The following OOSP1 variants were observed in gnomAD, a reference collection of about 807,000 sequenced individuals.
OOSP1 encodes the protein oocyte secreted protein 1.
OOSP1 carries 11 observed loss-of-function variants against 5.7 expected under a neutral mutation model. The observed-to-expected ratio is 1.94, with a 90% CI of 1.22 to 3.20. The LOEUF is 3.20. Among genes scored for constraint, OOSP1 ranks in the 30% most tolerant of loss-of-function variants. The pLI, the probability that OOSP1 is intolerant of heterozygous loss-of-function variation, is 0.00. For missense variants in OOSP1, 83 were observed against 54.1 expected (o/e 1.53, Z -1.67); for synonymous variants, 44 against 20.0 (o/e 2.20, Z -3.20).
chr11:59,945,243 G>A (rs1853868936), exon 3 of OOSP1: 1 of 702,876 alleles, frequency 1.4e-6, no homozygotes, highest in Admixed American at 2.0e-5. Context: ...GATCTGAAAT[G>A]CCTCTGTCGT....
chr11:59,956,464 G>A (rs1853994789), intron 4 of OOSP1, among the ~76,000 whole-genome samples: 1 of 152,062 alleles, frequency 6.6e-6, no homozygotes, highest in Admixed American at 6.6e-5. Flanking sequence ...TTGAAGAAAA[G>A]ATGATTCTTA....
intron 4 of OOSP1, among the ~76,000 whole-genome samples, chr11:59,955,605 G>A (rs1853987371): frequency 6.6e-6 from 1 of 151,864 alleles, no homozygotes; most frequent in Admixed American, 6.6e-5. Context: ...AGTGTGCCAA[G>A]TTTAATAGAT....
At chr11:59,942,438 T>C (rs986242795) in intron 1 of OOSP1, among the ~76,000 whole-genome samples, 3 of 152,164 alleles carry the variant, frequency 2.0e-5, no homozygotes, top group Non-Finnish European at 2.9e-5. Context: ...GGAAACTGCT[T>C]GCTTCCATAG....
At chr11:59,953,433 A>G (rs1853960469) in intron 4 of OOSP1, among the ~76,000 whole-genome samples, 1 of 152,170 alleles carries the variant, frequency 6.6e-6, no homozygotes, top group African/African-American at 2.4e-5. Flanking sequence ...TTCCTAAGAC[A>G]GAAATGTACT....
chr11:59,940,706 C>T (rs1217266602), intron 1 of OOSP1, among the ~76,000 whole-genome samples: 7 of 152,156 alleles, frequency 4.6e-5, no homozygotes, highest in Non-Finnish European at 8.8e-5. Flanking sequence ...AGGAATGGGA[C>T]TGTGAGGCCA....
At position 59,953,141 on chromosome 11, in the gene OOSP1, G is replaced by A. The variant is rs150104930; in HGVS notation, c.487-4054G>A. On this transcript the variant is annotated intron_variant, in intron 4 of 4. Transcript: ENST00000646685. The stretch of plus-strand genomic sequence containing the variant: ...TGCCTATGGCTAGAAAATGTCCTTC[G>A]TCTTAGGAACTACTTCAGCCCCTTG... Among the ~76,000 whole-genome samples, 1,424 of 152,084 alleles carry A rather than the reference G, an allele frequency of 9.4e-3. 25 individuals are homozygous for A. The highest frequency in any genetic ancestry group is 0.032 in the African/African-American group (1,338 of 41,484).
At chr11:59,953,758 T>G (rs548312339) in intron 4 of OOSP1, among the ~76,000 whole-genome samples, 1 of 152,272 alleles carries the variant, frequency 6.6e-6, no homozygotes, top group East Asian at 1.9e-4. Context: ...TACAAATATA[T>G]TTTTTCAGAA....
intron 2 of OOSP1, among the ~76,000 whole-genome samples, chr11:59,944,927 C>G (rs1447101076): frequency 6.6e-6 from 1 of 152,178 alleles, no homozygotes; most frequent in East Asian, 1.9e-4. Context: ...CACAAAGCTC[C>G]TTTCTCTTTT....
At chr11:59,953,896 A>G (rs1853964474) in intron 4 of OOSP1, among the ~76,000 whole-genome samples, 1 of 152,214 alleles carries the variant, frequency 6.6e-6, no homozygotes, top group Non-Finnish European at 1.5e-5. Context: ...TCCATAATAT[A>G]GTCATGAGTT....
chr11:59,954,054 C>A (rs1228608059), intron 4 of OOSP1, among the ~76,000 whole-genome samples: 1 of 152,182 alleles, frequency 6.6e-6, no homozygotes, highest in Non-Finnish European at 1.5e-5. Flanking sequence ...TTCTAGGATA[C>A]AAACCTGAAC....
chr11:59,955,094 C>T (rs139299805), intron 4 of OOSP1, among the ~76,000 whole-genome samples: 2 of 151,836 alleles, frequency 1.3e-5, no homozygotes, highest in South Asian at 4.2e-4. Flanking sequence ...AATTTGCATA[C>T]CTTCTGGGAA....
At chr11:59,945,463 T>C (rs1328206865) in intron 3 of OOSP1, 197 bp downstream of exon 3, 1 of 619,480 alleles carries the variant, frequency 1.6e-6, no homozygotes, top group Non-Finnish European at 3.0e-6. Flanking sequence ...AAATGCTGGC[T>C]GGGCACGGTG....
At chr11:59,949,622 T>C (rs539774094) in intron 4 of OOSP1, among the ~76,000 whole-genome samples, 2 of 152,080 alleles carry the variant, frequency 1.3e-5, no homozygotes, top group East Asian at 3.9e-4. Flanking sequence ...AACTGAAACA[T>C]CTAAAACAAT....
chr11:59,938,486 T>G (rs1284027398), exon 1 of OOSP1: 1 of 628,900 alleles, frequency 1.6e-6, no homozygotes, highest in Admixed American at 2.4e-5. Context: ...AAAGGGCTCT[T>G]TTATCTGCAT....
intron 3 of OOSP1, among the ~76,000 whole-genome samples, chr11:59,947,088 A>G (rs1363801954): frequency 6.6e-6 from 1 of 152,142 alleles, no homozygotes; most frequent in Non-Finnish European, 1.5e-5. Flanking sequence ...CAATTTTTCA[A>G]TTAGGTTTTT....
intron 2 of OOSP1, among the ~76,000 whole-genome samples, chr11:59,943,317 C>T (rs1026098828): frequency 1.3e-5 from 2 of 151,844 alleles, no homozygotes; most frequent in Admixed American, 6.6e-5. Flanking sequence ...ATGTAACAAA[C>T]CTGCACGTTG....
At chr11:59,950,467 C>T (rs1853928062) in intron 4 of OOSP1, among the ~76,000 whole-genome samples, 1 of 152,068 alleles carries the variant, frequency 6.6e-6, no homozygotes, top group African/African-American at 2.4e-5. Flanking sequence ...CTTGGCATAT[C>T]CAATGTTAAG....
At chr11:59,948,133 T>G (rs761438403) in intron 4 of OOSP1, among the ~76,000 whole-genome samples, 2 of 152,132 alleles carry the variant, frequency 1.3e-5, no homozygotes, top group Non-Finnish European at 2.9e-5. Flanking sequence ...ATAATTAACT[T>G]AAAAAGAAAA....
chr11:59,955,339 A>G (rs968077557), intron 4 of OOSP1, among the ~76,000 whole-genome samples: 3 of 151,970 alleles, frequency 2.0e-5, no homozygotes, highest in Admixed American at 6.6e-5. Flanking sequence ...TCATATCTTT[A>G]TGGTTTTTTT....
Sources: allele counts gnomAD v4.1 joint callset (sites outside exome capture counted in the v4.1 genomes callset), GRCh38; gene constraint gnomAD v4.1.1; transcripts MANE v1.5; gene names NCBI Gene and HGNC (gene_info 2026-07-23, HGNC 2026-07-21).